Variants in CLYBL observed in about 807,000 individuals in gnomAD.
The protein encoded by CLYBL is citramalyl-CoA lyase.
Under a neutral mutation model 38.9 loss-of-function variants are expected in CLYBL, and 31 were observed. The observed-to-expected ratio is 0.80, with a 90% CI of 0.60 to 1.08. CLYBL has a LOEUF of 1.08. Among genes scored for constraint, CLYBL ranks in the 50% least tolerant of loss-of-function variants. The pLI, the probability that CLYBL is intolerant of heterozygous loss-of-function variation, is 0.00. For synonymous variants in CLYBL, 171 were observed against 158.6 expected (o/e 1.08, Z -0.59); for missense variants, 434 against 411.6 (o/e 1.05, Z -0.47).
At chr13:99,703,074 A>G (rs1449318843) in intron 1 of CLYBL, among the ~76,000 whole-genome samples, 1 of 152,258 alleles carries the variant, frequency 6.6e-6, no homozygotes, top group Non-Finnish European at 1.5e-5. Flanking sequence ...ATCTAGTTGA[A>G]GTGCAAATTT....
intron 6 of CLYBL, among the ~76,000 whole-genome samples, chr13:99,868,663 C>T (rs1446338206): frequency 6.6e-6 from 1 of 152,148 alleles, no homozygotes; most frequent in Non-Finnish European, 1.5e-5. Context: ...CCCAGAGTCA[C>T]AGTCCATGTC....
chr13:99,637,359 A>C (rs929029433), intron 1 of CLYBL, among the ~76,000 whole-genome samples: 3 of 152,178 alleles, frequency 2.0e-5, no homozygotes, highest in African/African-American at 4.8e-5. Context: ...CAGTGTTATC[A>C]CTGCCCTAAG....
At chr13:99,724,769 T>A (rs577572839) in intron 1 of CLYBL, among the ~76,000 whole-genome samples, 11 of 152,310 alleles carry the variant, frequency 7.2e-5, no homozygotes, top group Admixed American at 6.5e-4. Flanking sequence ...TAGAGATGTC[T>A]TAGGACACTT....
rs146961442 is a variant in CLYBL, at chr13:99,736,575, T to C, written c.63-36249T>C. On this transcript the variant is annotated intron_variant, in intron 1 of 8. Coordinates refer to ENST00000339105, the MANE Select transcript of CLYBL (RefSeq NM_206808.5). The stretch of plus-strand genomic sequence containing the variant: ...AATCGGCAGGTAAGAGTTAGAAATA[T>C]GCATGACATTTTCAAGGAAAAAAAA... Among the ~76,000 whole-genome samples, 15 of 152,216 alleles carry C rather than the reference T, an allele frequency of 9.9e-5. 1 individual carries two copies. In the East Asian group the frequency reaches 2.1e-3, roughly 22 times the overall value.
rs540249713 is a variant in CLYBL at position 99,722,662 on chromosome 13, C to G, written c.63-50162C>G. On this transcript the variant is annotated intron_variant, in intron 1 of 8. Transcript: ENST00000339105. ...CATGCCTCCTACCTCTCCAGGAGCA[C>G]TGAATCAGGCAGAATTCACTTTTCT... Among the ~76,000 whole-genome samples, 4 of 152,344 alleles carry G rather than the reference C, an allele frequency of 2.6e-5. 1 individual carries two copies. The East Asian group carries it at 7.7e-4, about 29-fold the overall frequency.
chr13:99,894,537 G>A (rs2052547824), downstream of CLYBL: 2 of 152,204 alleles, frequency 1.3e-5, no homozygotes, highest in South Asian at 4.1e-4. Flanking sequence ...GGACAAGACT[G>A]AGTTGGGAAC....
At chr13:99,827,316 G>A (rs2050713956) in intron 2 of CLYBL, among the ~76,000 whole-genome samples, 1 of 152,164 alleles carries the variant, frequency 6.6e-6, no homozygotes, top group African/African-American at 2.4e-5. Context: ...CTTGGGTGGA[G>A]CCCCTGAGGG....
intron 1 of CLYBL, among the ~76,000 whole-genome samples, chr13:99,754,175 C>T (rs2049010291): frequency 6.7e-6 from 1 of 148,216 alleles, no homozygotes; most frequent in African/African-American, 2.5e-5. Flanking sequence ...TTTGAGAGGC[C>T]AAAGTGGGCG....
chr13:99,677,079 C>T (rs185116515), intron 1 of CLYBL, among the ~76,000 whole-genome samples: 79 of 151,842 alleles, frequency 5.2e-4, no homozygotes, highest in African/African-American at 1.8e-3. Context: ...ATAATTACTG[C>T]TGAATGTGAC....
At chr13:99,793,089 C>T (rs2049953186) in intron 2 of CLYBL, among the ~76,000 whole-genome samples, 1 of 149,352 alleles carries the variant, frequency 6.7e-6, no homozygotes, top group Non-Finnish European at 1.5e-5. Context: ...ACCTTAAAGC[C>T]CCATTTATGC....
chr13:99,858,889 C>T lies in CLYBL; in HGVS notation c.278C>T (p.Thr93Ile). Residue 93 changes from threonine to isoleucine, a missense_variant, in exon 3 of 9, where the codon ACT (threonine) becomes ATT (isoleucine). Coordinates refer to ENST00000339105, the MANE Select transcript of CLYBL (RefSeq NM_206808.5). ...GAAGCTCGACTGAGAATTGTAAAAA[C>T]TCTTGAAGACATTGATCTGGGCCCT... The part of the protein sequence containing the change: ...KNEARLRIVK[T>I]LEDIDLGPTE... 6.2e-7 allele frequency: 1 copy of T among 1,609,374 alleles called. No homozygotes were observed. The highest frequency in any genetic ancestry group is 8.5e-7 in the Non-Finnish European group (1 of 1,178,718).
chr13:99,721,084 C>T (rs1470356940), intron 1 of CLYBL, among the ~76,000 whole-genome samples: 1 of 151,238 alleles, frequency 6.6e-6, no homozygotes, highest in Non-Finnish European at 1.5e-5. Context: ...ACTCTTGCCG[C>T]CCAGGCTGGA....
chr13:99,708,742 A>G (rs2048182905), intron 1 of CLYBL, among the ~76,000 whole-genome samples: 2 of 152,200 alleles, frequency 1.3e-5, no homozygotes, highest in Non-Finnish European at 2.9e-5. Context: ...TCCTAACCAC[A>G]GGTACTCAGA....
intron 2 of CLYBL, among the ~76,000 whole-genome samples, chr13:99,853,675 G>A (rs1252284388): frequency 1.3e-5 from 2 of 151,932 alleles, no homozygotes; most frequent in Non-Finnish European, 2.9e-5. Flanking sequence ...CACTACAACA[G>A]TCTCTGATCA....
At chr13:99,839,863 G>T (rs1163636240) in intron 2 of CLYBL, among the ~76,000 whole-genome samples, 1 of 151,972 alleles carries the variant, frequency 6.6e-6, no homozygotes, top group East Asian at 1.9e-4. Flanking sequence ...ATTTTTAAAT[G>T]TGCAATTAAA....
chr13:99,649,555 G>A lies in CLYBL; in HGVS notation c.62+42798G>A, dbSNP rs2047221336. Among the ~76,000 whole-genome samples, 2 of 152,178 alleles carry A rather than the reference G, an allele frequency of 1.3e-5. 1 individual carries two copies. Among genetic ancestry groups the A allele is most frequent in the South Asian group, 4.1e-4 (2 of 4,832 alleles). Reference sequence around the variant, plus strand: ...GGGGAAAATTTGGAATATTGATGGAGGACTTATGTGTTAAATGTTCTATGA... The same window carrying A: ...GGGGAAAATTTGGAATATTGATGGAAGACTTATGTGTTAAATGTTCTATGA... On this transcript the variant is annotated intron_variant, in intron 1 of 8. Transcript: ENST00000339105.
At chr13:99,718,873 G>A (rs375884576) in intron 1 of CLYBL, among the ~76,000 whole-genome samples, 1 of 150,870 alleles carries the variant, frequency 6.6e-6, no homozygotes, top group Non-Finnish European at 1.5e-5. Context: ...GCAGAGTTTC[G>A]CTCTTGTTGC....
At chr13:99,717,727 T>C (rs2048339620) in intron 1 of CLYBL, among the ~76,000 whole-genome samples, 1 of 152,092 alleles carries the variant, frequency 6.6e-6, no homozygotes, top group South Asian at 2.1e-4. Flanking sequence ...CCCAAAATGC[T>C]GGGATTCCAT....
intron 7 of CLYBL, among the ~76,000 whole-genome samples, chr13:99,880,538 ACAT>A (rs2052178585): frequency 6.6e-6 from 1 of 152,220 alleles, no homozygotes. Context: ...CCCAAAGTCC[ACAT>A]CCCTAACCTC....
Sources: allele counts gnomAD v4.1 joint callset (sites outside exome capture counted in the v4.1 genomes callset), GRCh38; gene constraint gnomAD v4.1.1; transcripts MANE v1.5; gene names NCBI Gene and HGNC (gene_info 2026-07-23, HGNC 2026-07-21).